The following NEDD4L variants were observed in gnomAD, a reference collection of about 807,000 sequenced individuals.
The protein encoded by NEDD4L is NEDD4 like E3 ubiquitin protein ligase.
Under a neutral mutation model 148.9 loss-of-function variants are expected in NEDD4L, and 54 were observed. The observed-to-expected ratio is 0.36, with a 90% CI of 0.29 to 0.45. NEDD4L has a LOEUF of 0.45. Among genes scored for constraint, NEDD4L ranks in the 20% least tolerant of loss-of-function variants. The pLI is 1.00. For missense variants in NEDD4L, 856 were observed against 1,233.8 expected, an observed-to-expected ratio of 0.69 and a Z score of 4.59; for synonymous variants, 433 against 440.7, an observed-to-expected ratio of 0.98 and a Z score of 0.22.
intron 8 of NEDD4L, among the ~76,000 whole-genome samples, chr18:58,324,563 C>T (rs1004605613): frequency 1.3e-5 from 2 of 152,250 alleles, no homozygotes; most frequent in Admixed American, 6.5e-5. Context: ...ATCTTCCCTG[C>T]TCCCTTTACC....
intron 3 of NEDD4L, chr18:58,247,769 A>G (rs2047442311): frequency 6.6e-6 from 1 of 152,360 alleles, no homozygotes; most frequent in African/African-American, 2.4e-5. Flanking sequence ...ATTTCCGTGA[A>G]GCTGCCCTCC....
chr18:58,185,871 C>G (rs967369531), intron 2 of NEDD4L, among the ~76,000 whole-genome samples: 1 of 150,314 alleles, frequency 6.7e-6, no homozygotes. Context: ...AAAACTCTGT[C>G]TCAAAAAAAA....
intron 1 of NEDD4L, among the ~76,000 whole-genome samples, chr18:58,056,477 A>G (rs1290227325): frequency 6.6e-6 from 1 of 152,236 alleles, no homozygotes; most frequent in African/African-American, 2.4e-5. Context: ...GGATGTCTTC[A>G]GGAACCAGGT....
chr18:58,095,895 C>A (rs1333607274), intron 1 of NEDD4L, among the ~76,000 whole-genome samples: 1 of 151,934 alleles, frequency 6.6e-6, no homozygotes, highest in Non-Finnish European at 1.5e-5. Context: ...CGTAAGCATT[C>A]TTAAAACATT....
At position 58,330,824 on chromosome 18, in the gene NEDD4L, T is replaced by C. The variant is rs758118987; in HGVS notation, c.900T>C (p.Ser300=). The C allele has an allele frequency of 1.2e-6, 2 of 1,613,924 alleles. No homozygotes were observed. The highest frequency in any genetic ancestry group is 1.7e-6 in the Non-Finnish European group (2 of 1,179,844). Residue 300 remains serine (S), a synonymous_variant, in exon 11 of 31, where the codon TCT becomes TCC. Transcript: ENST00000400345. ...ALPPPPASPG[S]RTSPQELSEE... is the part of the protein sequence containing the mutation. ...CCCCACCACCGGCCTCCCCAGGATC[T>C]CGGACCAGCCCTCAGGAGCTGTCAG...
chr18:58,219,835 G>A (rs775461810), intron 2 of NEDD4L, among the ~76,000 whole-genome samples: 8 of 152,178 alleles, frequency 5.3e-5, no homozygotes, highest in South Asian at 2.1e-4. Context: ...TTGGTAGGAC[G>A]TGTAGATGCT....
chr18:58,397,583 T>A lies in NEDD4L; in HGVS notation c.*1314T>A, dbSNP rs1235606328. ...ACTGAGTTTTGTTACCAATGACCTGTTGCATGCTTCAATACCGTGTACTGC... is the reference window on the plus strand; with the variant it reads ...ACTGAGTTTTGTTACCAATGACCTGATGCATGCTTCAATACCGTGTACTGC... On this transcript the variant is annotated 3_prime_UTR_variant, in exon 31 of 31. Transcript: ENST00000400345. The A allele has an allele frequency of 4.6e-5, 7 of 152,286 alleles. No individual in the cohort carries two copies. The highest frequency in any genetic ancestry group is 3.9e-4 in the Admixed American group (6 of 15,282). The allele number at this position is 152,286 out of a possible 1,614,324, so 9.4% of individuals were successfully genotyped here. A position where few individuals can be genotyped will look rare whatever the true frequency, so the allele number is the denominator to read the frequency against.
At chr18:58,191,122 A>T (rs758756278) in intron 2 of NEDD4L, among the ~76,000 whole-genome samples, 2 of 152,198 alleles carry the variant, frequency 1.3e-5, no homozygotes, top group Non-Finnish European at 1.5e-5. Flanking sequence ...CTCTAAAAGT[A>T]TAATATTTTA....
intron 1 of NEDD4L, among the ~76,000 whole-genome samples, chr18:58,102,415 C>A (rs1323364845): frequency 6.6e-6 from 1 of 152,126 alleles, no homozygotes. Flanking sequence ...ACAAAATTGA[C>A]CCTGGAAATA....
At chr18:58,236,167 G>T (rs138836564) in intron 2 of NEDD4L, among the ~76,000 whole-genome samples, 1,926 of 151,902 alleles carry the variant, frequency 0.013, 9 homozygotes, top group Non-Finnish European at 0.016. Context: ...GACCAACCTG[G>T]GCAACATAGT....
chr18:58,311,396 C>G (rs1366409626), intron 5 of NEDD4L, among the ~76,000 whole-genome samples: 1 of 152,238 alleles, frequency 6.6e-6, no homozygotes. Flanking sequence ...TGCTTTTGCT[C>G]TGTTACCCCG....
chr18:58,044,355 C>G lies in NEDD4L; in HGVS notation c.-306C>G, dbSNP rs2081477323. 5.9e-6 allele frequency: 1 copy of G among 170,772 alleles called. No individual in the cohort carries two copies. The highest frequency in any genetic ancestry group is 1.2e-5 in the Non-Finnish European group (1 of 81,298). 10.6% of individuals were successfully genotyped at this position (170,772 alleles called of 1,614,324 possible). On this transcript the variant is annotated 5_prime_UTR_variant, in exon 1 of 31. Transcript: ENST00000400345. ...GGCGCGGGTCGCGGGGAGGGAAAGC[C>G]CGGCCGGGTCTGCGCCGCCGCCGCG...
chr18:58,336,423 A>G (rs2041773361), intron 13 of NEDD4L, among the ~76,000 whole-genome samples: 1 of 152,060 alleles, frequency 6.6e-6, no homozygotes. Context: ...TAAAAGTACA[A>G]AAAATTAGCC....
At chr18:58,339,954 T>C (rs1454841112) in intron 13 of NEDD4L, among the ~76,000 whole-genome samples, 1 of 152,202 alleles carries the variant, frequency 6.6e-6, no homozygotes, top group Non-Finnish European at 1.5e-5. Context: ...ACTGCTAAAA[T>C]ATCTGGAAGT....
chr18:58,094,900 T>TAAAAAAA (rs1555689599), intron 1 of NEDD4L, among the ~76,000 whole-genome samples: 1 of 129,534 alleles, frequency 7.7e-6, no homozygotes, highest in Non-Finnish European at 1.7e-5. Context: ...AAAGAGCACT[T>TAAAAAAA]AAAAAAAAAA....
intron 1 of NEDD4L, among the ~76,000 whole-genome samples, chr18:58,143,120 G>A (rs976487157): frequency 3.3e-5 from 5 of 152,214 alleles, no homozygotes; most frequent in Admixed American, 6.5e-5. Flanking sequence ...AGGTACTGGC[G>A]TAGCTAGTTT....
chr18:58,395,708 G>C (rs2050407396), intron 30 of NEDD4L, among the ~76,000 whole-genome samples: 1 of 152,178 alleles, frequency 6.6e-6, no homozygotes, highest in Non-Finnish European at 1.5e-5. Context: ...CTCCTGTGCA[G>C]AATGGAGATA....
rs904299575 is a variant in NEDD4L, at chr18:58,375,739, A to G, written c.2352+2470A>G. ...TGGGTCTCTCCAGGGCTCAGCATGT[A>G]GTTGATGCCTGCCAGTGCTCATTGA... is the stretch of plus-strand genomic sequence containing the variant. On this transcript the variant is annotated intron_variant, in intron 24 of 30. Transcript: ENST00000400345. Among the ~76,000 whole-genome samples, 39 of 152,168 alleles carry G rather than the reference A, an allele frequency of 2.6e-4. 1 individual carries two copies. The highest frequency in any genetic ancestry group is 2.5e-4 in the Non-Finnish European group (17 of 68,042).
chr18:58,389,992 T>G (rs2146952557), intron 28 of NEDD4L: 1 of 152,282 alleles, frequency 6.6e-6, no homozygotes. Context: ...TAAATGCCTT[T>G]TATTACTATT....
Sources: allele counts gnomAD v4.1 joint callset (sites outside exome capture counted in the v4.1 genomes callset), GRCh38; gene constraint gnomAD v4.1.1; transcripts MANE v1.5; gene names NCBI Gene and HGNC (gene_info 2026-07-23, HGNC 2026-07-21).